LIPC: variants seen among roughly 807,000 people sequenced by gnomAD.
The protein encoded by LIPC is lipase C, hepatic type, also known as hepatic triacylglycerol lipase.
A neutral mutation model predicts 50.7 loss-of-function variants in LIPC; 44 were observed. The observed-to-expected ratio is 0.87, with a 90% CI of 0.68 to 1.11. The LOEUF is 1.11. Ranked by LOEUF, LIPC falls within the 50% of genes most tolerant of loss-of-function variation. The pLI is 0.00. For missense variants in LIPC, 697 were observed against 648.2 expected (o/e 1.08, Z -0.82); for synonymous variants, 271 against 256.4 (o/e 1.06, Z -0.54).
chr15:58,564,591 G>A (rs1484197470), intron 8 of LIPC, among the ~76,000 whole-genome samples: 5 of 152,088 alleles, frequency 3.3e-5, no homozygotes, highest in African/African-American at 1.2e-4. Context: ...GCTGGGCGTG[G>A]TGGCGCACAA....
intron 1 of LIPC, among the ~76,000 whole-genome samples, chr15:58,460,093 G>A (rs1263661832): frequency 6.6e-6 from 1 of 152,202 alleles, no homozygotes; most frequent in Non-Finnish European, 1.5e-5. Context: ...CACCCTGTAG[G>A]GCTCTGCTCT....
At chr15:58,555,411 C>A (rs893500644) in intron 6 of LIPC, among the ~76,000 whole-genome samples, 1 of 152,126 alleles carries the variant, frequency 6.6e-6, no homozygotes, top group Non-Finnish European at 1.5e-5. Flanking sequence ...TGAACCACAG[C>A]TTTTCTTCAG....
intron 1 of LIPC, among the ~76,000 whole-genome samples, chr15:58,447,422 T>C (rs768622621): frequency 5.9e-5 from 9 of 152,156 alleles, no homozygotes; most frequent in Non-Finnish European, 1.3e-4. Flanking sequence ...CACACGTATA[T>C]GAGAAGTTGG....
chr15:58,481,233 A>T (rs1891178793), intron 1 of LIPC, among the ~76,000 whole-genome samples: 2 of 152,096 alleles, frequency 1.3e-5, no homozygotes, highest in South Asian at 4.2e-4. Context: ...AAATTGTACA[A>T]CCTCTTCAGG....
At chr15:58,485,514 G>A (rs1327204345) in intron 1 of LIPC, among the ~76,000 whole-genome samples, 6 of 132,610 alleles carry the variant, frequency 4.5e-5, no homozygotes, top group Admixed American at 8.0e-5. Flanking sequence ...ACCCTCGCAC[G>A]TGCTGATCTC....
At chr15:58,475,943 A>G (rs1364868445) in intron 1 of LIPC, among the ~76,000 whole-genome samples, 1 of 152,266 alleles carries the variant, frequency 6.6e-6, no homozygotes, top group African/African-American at 2.4e-5. Flanking sequence ...GAAAGCAGGT[A>G]GCACAGTGCC....
At chr15:58,491,823 C>A (rs1419790825) in intron 1 of LIPC, among the ~76,000 whole-genome samples, 3 of 152,222 alleles carry the variant, frequency 2.0e-5, no homozygotes, top group African/African-American at 7.2e-5. Flanking sequence ...TACCACAGGA[C>A]TGTTGACCCC....
intron 1 of LIPC, among the ~76,000 whole-genome samples, chr15:58,517,309 C>A (rs1892513887): frequency 6.6e-6 from 1 of 152,224 alleles, no homozygotes; most frequent in South Asian, 2.1e-4. Flanking sequence ...AATTGTGCCC[C>A]CTCTCTCCAC....
intron 1 of LIPC, among the ~76,000 whole-genome samples, chr15:58,452,484 C>T (rs887634484): frequency 4.6e-5 from 7 of 152,206 alleles, no homozygotes; most frequent in East Asian, 1.9e-4. Flanking sequence ...CCTTCAGCCA[C>T]GCACTATCAA....
At chr15:58,548,304 A>G in intron 5 of LIPC, 26 bp from the exon 6 acceptor site, 1 of 1,613,822 alleles carries the variant, frequency 6.2e-7, no homozygotes, top group Admixed American at 1.7e-5. Flanking sequence ...AAGGGGTGAT[A>G]ACGTCCTTCT....
At chr15:58,486,180 C>G (rs1165972790) in intron 1 of LIPC, among the ~76,000 whole-genome samples, 2 of 152,196 alleles carry the variant, frequency 1.3e-5, no homozygotes, top group Non-Finnish European at 2.9e-5. Flanking sequence ...CACTGTCCCT[C>G]TGCCTGGTTC....
At chr15:58,447,168 A>G (rs1164962985) in intron 1 of LIPC, among the ~76,000 whole-genome samples, 2 of 150,034 alleles carry the variant, frequency 1.3e-5, no homozygotes, top group African/African-American at 5.0e-5. Flanking sequence ...AAAAAAAAAA[A>G]AAAGGAAATG....
intron 1 of LIPC, among the ~76,000 whole-genome samples, chr15:58,510,181 A>G (rs537076677): frequency 1.3e-5 from 2 of 152,336 alleles, no homozygotes; most frequent in South Asian, 2.1e-4. Context: ...GCTCCCTGGT[A>G]TGGGAAACAG....
At chr15:58,486,667 C>T (rs533741158) in intron 1 of LIPC, among the ~76,000 whole-genome samples, 14 of 152,276 alleles carry the variant, frequency 9.2e-5, no homozygotes, top group Middle Eastern at 6.8e-3. Context: ...GCAACGCAGG[C>T]GGAGGACATC....
At chr15:58,454,216 G>C (rs1408745953) in intron 1 of LIPC, 1 of 152,250 alleles carries the variant, frequency 6.6e-6, no homozygotes, top group Non-Finnish European at 1.5e-5. Flanking sequence ...AATAACCAGA[G>C]AAATAGCTTG....
At chr15:58,469,352 T>TTGGGTGAG (rs1894699305) in intron 1 of LIPC, among the ~76,000 whole-genome samples, 1 of 152,152 alleles carries the variant, frequency 6.6e-6, no homozygotes, top group Non-Finnish European at 1.5e-5. Flanking sequence ...TCAGCTCAGC[T>TTGGGTGAG]CTTGGCCCAC....
intron 1 of LIPC, among the ~76,000 whole-genome samples, chr15:58,534,286 G>A (rs1415290764): frequency 6.6e-6 from 1 of 152,198 alleles, no homozygotes; most frequent in Non-Finnish European, 1.5e-5. Context: ...AAAGGTATGA[G>A]GGTGGGCACA....
chr15:58,486,215 G>A (rs1326868267), intron 1 of LIPC, among the ~76,000 whole-genome samples: 1 of 152,152 alleles, frequency 6.6e-6, no homozygotes, highest in African/African-American at 2.4e-5. Flanking sequence ...TCTGCCTGGA[G>A]AGTCCCACTC....
intron 1 of LIPC, among the ~76,000 whole-genome samples, chr15:58,492,978 C>T (rs1213193503): frequency 6.6e-6 from 1 of 152,158 alleles, no homozygotes; most frequent in East Asian, 1.9e-4. Context: ...TGATGGATTC[C>T]TAAATGATAT....
Sources: allele counts gnomAD v4.1 joint callset (sites outside exome capture counted in the v4.1 genomes callset), GRCh38; gene constraint gnomAD v4.1.1; transcripts MANE v1.5; gene names NCBI Gene and HGNC (gene_info 2026-07-23, HGNC 2026-07-21).